Variants in TRIM4 observed in about 807,000 individuals in gnomAD.
TRIM4 encodes tripartite motif containing 4.
Under a neutral mutation model 33.7 loss-of-function variants are expected in TRIM4, and 29 were observed. That is an observed-to-expected ratio of 0.86 (90% confidence interval 0.64 to 1.17). The LOEUF (loss-of-function observed/expected upper bound fraction) is 1.17, where lower values mean the gene tolerates loss of function less well. Ranked by LOEUF, TRIM4 falls within the 50% of genes most tolerant of loss-of-function variation. The probability of loss-of-function intolerance (pLI) is 0.00; values close to 1 mark genes in which losing one functional copy is unlikely to be tolerated. For synonymous variants in TRIM4, 224 were observed against 233.0 expected, an observed-to-expected ratio of 0.96 and a Z score of 0.35; for missense variants, 554 against 593.7, an observed-to-expected ratio of 0.93 and a Z score of 0.69.
chr7:99,903,169 C>T, intron 5 of TRIM4, 49 bp downstream of exon 5: 1 of 1,388,532 alleles, frequency 7.2e-7, no homozygotes. Flanking sequence ...CTTTATTCTC[C>T]TATTTGAAAG....
intron 5 of TRIM4, among the ~76,000 whole-genome samples, chr7:99,897,617 TG>T (rs988523557): frequency 6.6e-6 from 1 of 152,162 alleles, no homozygotes; most frequent in African/African-American, 2.4e-5. Flanking sequence ...TTGCACTCCA[TG>T]GGGGAAAGGC....
At chr7:99,896,571 G>A (rs1253547255) in intron 5 of TRIM4, among the ~76,000 whole-genome samples, 1 of 152,218 alleles carries the variant, frequency 6.6e-6, no homozygotes, top group Admixed American at 6.5e-5. Flanking sequence ...ACCGGCTCCA[G>A]GTTTCTTCCA....
intron 1 of TRIM4, among the ~76,000 whole-genome samples, chr7:99,913,134 C>T (rs1819481528): frequency 6.6e-6 from 1 of 152,118 alleles, no homozygotes; most frequent in African/African-American, 2.4e-5. Flanking sequence ...TTTTCTATGT[C>T]TTAAAAAGCC....
chr7:99,898,080 T>C (rs774655730), intron 5 of TRIM4, among the ~76,000 whole-genome samples: 82 of 152,350 alleles, frequency 5.4e-4, no homozygotes, highest in East Asian at 3.9e-4. Context: ...CTAACTTGAG[T>C]ACCTGGAGCC....
intron 3 of TRIM4, among the ~76,000 whole-genome samples, chr7:99,903,799 C>G (rs989987617): frequency 6.6e-6 from 1 of 152,156 alleles, no homozygotes; most frequent in Non-Finnish European, 1.5e-5. Context: ...GCTGCCTGCG[C>G]CCCTCCTCTT....
chr7:99,916,658 C>T (rs944222691), intron 1 of TRIM4: 5 of 774,678 alleles, frequency 6.5e-6, no homozygotes. Flanking sequence ...TCCATCCCTC[C>T]CTCTCCATCA....
At chr7:99,915,599 G>A (rs1819538229) in intron 1 of TRIM4, among the ~76,000 whole-genome samples, 1 of 152,154 alleles carries the variant, frequency 6.6e-6, no homozygotes, top group African/African-American at 2.4e-5. Context: ...AAATAAAGCA[G>A]CTTCACCCAG....
Position 99,903,252 on chromosome 7 carries a change from T to C in TRIM4, c.807A>G (p.Ile269Met), listed in dbSNP as rs1255550815. The change falls in exon 5 of 6, where the codon ATA becomes ATG. Residue 269 changes from isoleucine to methionine, a missense_variant. Around this residue, in one of 3 missense-constraint regions of TRIM4, gnomAD observed 290 missense variants for 335.8 expected, o/e 0.86. Transcript: ENST00000349062. Reference sequence around the variant, plus strand: ...GCTTTAGCATTTCCTTCATCAATGGTATCTGGCACACTGTCTTCACCTTTA... The same window carrying C: ...GCTTTAGCATTTCCTTCATCAATGGCATCTGGCACACTGTCTTCACCTTTA... ...EAVKVKTVCQ[I>M]PLMKEMLKRF... The C allele has an allele frequency of 6.2e-7, 1 of 1,613,348 alleles. No individual in the cohort carries two copies. Among genetic ancestry groups the C allele is most frequent in the Non-Finnish European group, 8.5e-7 (1 of 1,179,544 alleles).
Position 99,892,702 on chromosome 7 carries a change from A to C in TRIM4, c.886T>G (p.Phe296Val), listed in dbSNP as rs1238123248. Residue 296 changes from phenylalanine to valine, a missense_variant, in exon 6 of 6, where the codon TTC becomes GTC. Phe to Val is a conservative substitution (Grantham distance 50). Transcript: ENST00000349062. ...AEDTAHPKLV[F>V]SQEGRYVKNT... ...TTCACGTATCTCCCTTCCTGGGAGA[A>C]GACGAGTTTGGGATGAGCTGTGTCT... 6.2e-7 allele frequency: 1 copy of C among 1,614,042 alleles called. No homozygotes were observed. Among genetic ancestry groups the C allele is most frequent in the Non-Finnish European group, 8.5e-7 (1 of 1,180,046 alleles).
At chr7:99,918,279 T>C (rs1356156917) in intron 1 of TRIM4, among the ~76,000 whole-genome samples, 1 of 152,128 alleles carries the variant, frequency 6.6e-6, no homozygotes, top group Non-Finnish European at 1.5e-5. Context: ...ATAAAATATC[T>C]CATTGAGGCC....
At chr7:99,896,038 A>T (rs1040425261) in intron 5 of TRIM4, among the ~76,000 whole-genome samples, 2 of 151,374 alleles carry the variant, frequency 1.3e-5, no homozygotes, top group Admixed American at 1.3e-4. Flanking sequence ...GTATGATTAG[A>T]TTTGTGTCTA....
At chr7:99,895,633 AG>A in intron 5 of TRIM4, among the ~76,000 whole-genome samples, 1 of 152,362 alleles carries the variant, frequency 6.6e-6, no homozygotes, top group African/African-American at 2.4e-5. Flanking sequence ...AATTATTAAA[AG>A]GTACTGAAAA....
Position 99,892,614 on chromosome 7 carries a change from C to T in TRIM4, c.974G>A (p.Trp325Ter). The T allele has an allele frequency of 6.2e-7, 1 of 1,614,180 alleles. No individual in the cohort carries two copies. Among genetic ancestry groups the T allele is most frequent in the Non-Finnish European group, 8.5e-7 (1 of 1,180,046 alleles). The change falls in exon 6 of 6, where the codon TGG (tryptophan) becomes TAG (stop). Residue 325 changes from tryptophan (W) to a stop codon, truncating the protein, a stop_gained. Coordinates refer to ENST00000349062, the MANE Select transcript of TRIM4 (RefSeq NM_033091.3). LOFTEE classifies it low-confidence loss of function (END_TRUNC). Reference sequence around the variant, plus strand: ...AAAAGCAGTCTTCTGAGGATTCCTCCATCCAGCAAAGTAGTTCCATGCTGA... The same window carrying T: ...AAAAGCAGTCTTCTGAGGATTCCTCTATCCAGCAAAGTAGTTCCATGCTGA... ...FSSAWNYFAGWRNPQKTAFVE... is the reference protein window; with the variant it reads ...FSSAWNYFAG
At chr7:99,895,440 T>A (rs1233566040) in intron 5 of TRIM4, among the ~76,000 whole-genome samples, 1 of 152,242 alleles carries the variant, frequency 6.6e-6, no homozygotes, top group African/African-American at 2.4e-5. Context: ...CGGAATCCTT[T>A]GAATTTGACA....
intron 1 of TRIM4, among the ~76,000 whole-genome samples, chr7:99,918,434 G>A (rs1003503342): frequency 3.3e-5 from 5 of 151,976 alleles, no homozygotes; most frequent in Admixed American, 6.6e-5. Flanking sequence ...GTGTGGTGGC[G>A]TGTGCCTGTA....
At chr7:99,914,275 G>A (rs540915481) in intron 1 of TRIM4, among the ~76,000 whole-genome samples, 4 of 152,048 alleles carry the variant, frequency 2.6e-5, no homozygotes, top group Middle Eastern at 3.4e-3. Context: ...CTCTAGTCTC[G>A]GCCTCCCGAA....
rs372374118 is a variant in TRIM4, at chr7:99,892,279, C to T, written c.1309G>A (p.Val437Met). 3.1e-6 allele frequency: 5 copies of T among 1,614,216 alleles called. No homozygotes were observed. The highest frequency in any genetic ancestry group is 4.2e-6 in the Non-Finnish European group (5 of 1,180,040). ...AAGGTGTGCAGGTGCACTCCGTCCA[C>T]AGCGCTGTAGAAGGAGACATTCCCA... ...GTGNVSFYSA[V>M]DGVHLHTFSC... Residue 437 changes from valine to methionine, a missense_variant, in exon 6 of 6, where the codon GTG (valine) becomes ATG (methionine). Around this residue, in one of 3 missense-constraint regions of TRIM4, gnomAD observed 290 missense variants for 335.8 expected, o/e 0.86. Transcript: ENST00000349062.
At chr7:99,915,103 C>T (rs960889142) in intron 1 of TRIM4, among the ~76,000 whole-genome samples, 4 of 152,214 alleles carry the variant, frequency 2.6e-5, no homozygotes, top group African/African-American at 9.7e-5. Context: ...AGCCACTGCG[C>T]CTGGCCTAGG....
At chr7:99,913,706 T>C (rs1819494794) in intron 1 of TRIM4, among the ~76,000 whole-genome samples, 1 of 151,328 alleles carries the variant, frequency 6.6e-6, no homozygotes, top group African/African-American at 2.4e-5. Context: ...AAAATAATAA[T>C]TTTTTTAAAA....
Sources: allele counts gnomAD v4.1 joint callset (sites outside exome capture counted in the v4.1 genomes callset), GRCh38; gene constraint gnomAD v4.1.1; regional missense constraint gnomAD v4.1.1; transcripts MANE v1.5; gene names NCBI Gene and HGNC (gene_info 2026-07-23, HGNC 2026-07-21).